The following CPNE5 variants were observed in gnomAD, a reference collection of about 807,000 sequenced individuals.
CPNE5 encodes the protein copine 5.
Under a neutral mutation model 81.1 loss-of-function variants are expected in CPNE5, and 42 were observed. The observed-to-expected ratio is 0.52, with a 90% CI of 0.40 to 0.67. The LOEUF (loss-of-function observed/expected upper bound fraction) is 0.67. CPNE5 is among the 30% of genes least tolerant of loss of function. The probability of loss-of-function intolerance (pLI) is 0.00; values close to 1 mark genes in which losing one functional copy is unlikely to be tolerated. For missense variants in CPNE5, 612 were observed against 815.5 expected (o/e 0.75, Z 3.04); for synonymous variants, 313 against 321.5 (o/e 0.97, Z 0.28).
intron 3 of CPNE5, among the ~76,000 whole-genome samples, chr6:36,819,902 C>A (rs371744107): frequency 3.3e-4 from 50 of 152,364 alleles, no homozygotes; most frequent in African/African-American, 1.2e-3. Flanking sequence ...CCTCTCCCCC[C>A]ATTCTGGTGC....
intron 3 of CPNE5, among the ~76,000 whole-genome samples, chr6:36,810,204 T>C (rs1455539249): frequency 6.6e-6 from 1 of 152,044 alleles, no homozygotes; most frequent in Non-Finnish European, 1.5e-5. Context: ...CTTGCCTTTT[T>C]ACAAATTACA....
Position 36,746,090 on chromosome 6 carries a change from C to G in CPNE5, c.1200+306G>C. On this transcript the variant is annotated intron_variant, in intron 16 of 20. Coordinates refer to ENST00000244751, the MANE Select transcript of CPNE5 (RefSeq NM_020939.2). This position sits in a 1 kb window ranked among gnomAD's most constrained non-coding sequence, Gnocchi z 4.5. ...GATACCCAACCCACACCACCTTGTT[C>G]ACTTTTCTGGGGCCCTGAGGGATGG... The G allele has an allele frequency of 1.1e-6, 1 of 872,910 alleles. No homozygotes were observed. Among genetic ancestry groups the G allele is most frequent in the Non-Finnish European group, 1.4e-6 (1 of 727,810 alleles). The allele number at this position is 872,910 out of a possible 1,614,324, so 54.1% of individuals were successfully genotyped here. A position where few individuals can be genotyped will look rare whatever the true frequency, so the allele number is the denominator to read the frequency against.
chr6:36,753,113 G>C lies in CPNE5; in HGVS notation c.910-18C>G, dbSNP rs1765023766. 2.5e-6 allele frequency: 4 copies of C among 1,611,126 alleles called. No individual in the cohort carries two copies. Among genetic ancestry groups the C allele is most frequent in the Non-Finnish European group, 2.5e-6 (3 of 1,177,528 alleles). On this transcript the variant is annotated intron_variant, in intron 13 of 20. Coordinates refer to ENST00000244751, the MANE Select transcript of CPNE5 (RefSeq NM_020939.2). ...AGGGTGACCTTCAAAACAAAAGGGA[G>C]CTTGGTCAGTGGGGAGCCTGGGGTC... is the stretch of plus-strand genomic sequence containing the variant.
chr6:36,812,532 A>C (rs1561811735), intron 3 of CPNE5, among the ~76,000 whole-genome samples: 1 of 152,184 alleles, frequency 6.6e-6, no homozygotes, highest in Non-Finnish European at 1.5e-5. Flanking sequence ...ATTGATGAAA[A>C]AAACTAAGGC....
At chr6:36,827,756 C>T in intron 1 of CPNE5, 1 of 985,422 alleles carries the variant, frequency 1.0e-6, no homozygotes, top group South Asian at 4.7e-5. Flanking sequence ...GGGTCTTCCG[C>T]CCTGACGAAG....
At chr6:36,830,310 C>T (rs921605546) in intron 1 of CPNE5, among the ~76,000 whole-genome samples, 57 of 152,274 alleles carry the variant, frequency 3.7e-4, no homozygotes, top group African/African-American at 1.3e-3. Context: ...CTCAGCCTCT[C>T]GGAGCTGCTC....
chr6:36,798,654 T>C (rs991450616), intron 4 of CPNE5, among the ~76,000 whole-genome samples, 160 bp from the exon 5 acceptor site: 1 of 152,144 alleles, frequency 6.6e-6, no homozygotes, highest in East Asian at 1.9e-4. Flanking sequence ...CAGGGAGCCT[T>C]CTGGGTGCTG....
chr6:36,829,448 G>C (rs945314917), intron 1 of CPNE5, among the ~76,000 whole-genome samples: 3 of 152,042 alleles, frequency 2.0e-5, no homozygotes, highest in Non-Finnish European at 4.4e-5. Flanking sequence ...AGTGAGCCGT[G>C]ATCACACCAC....
At chr6:36,750,000 G>C (rs1239198566) in intron 14 of CPNE5, among the ~76,000 whole-genome samples, 1 of 152,168 alleles carries the variant, frequency 6.6e-6, no homozygotes, top group Non-Finnish European at 1.5e-5. Flanking sequence ...ATCACTACGG[G>C]TGCTTGCTTA....
At position 36,797,423 on chromosome 6, in the gene CPNE5, G is replaced by A. The variant is rs61244324; in HGVS notation, c.404+742C>T. ...GTTTATTTAAATGCAAAGTGTGAGG[G>A]TGGCCGTCCAGAGAAATATGGACAC... On this transcript the variant is annotated intron_variant, in intron 6 of 20. Transcript: ENST00000244751. Among the ~76,000 whole-genome samples the A allele has an allele frequency of 1.3e-3, 194 of 152,352 alleles. 1 individual carries two copies. Among genetic ancestry groups the A allele is most frequent in the East Asian group, 0.01 (53 of 5,184 alleles).
intron 11 of CPNE5, 124 bp downstream of exon 11, chr6:36,765,211 G>A: frequency 3.8e-6 from 3 of 786,602 alleles, no homozygotes; most frequent in Admixed American, 2.7e-5. Flanking sequence ...CGCAAACCCA[G>A]GCTCCCTCAC....
chr6:36,775,094 G>T, intron 9 of CPNE5, 29 bp from the exon 10 acceptor site: 1 of 1,580,212 alleles, frequency 6.3e-7, no homozygotes. Context: ...GGGAAAGGCT[G>T]TCAGGCCCAA....
intron 15 of CPNE5, among the ~76,000 whole-genome samples, chr6:36,747,003 T>G (rs1764242349): frequency 6.6e-6 from 1 of 151,900 alleles, no homozygotes; most frequent in African/African-American, 2.4e-5. Context: ...CCAGGTCATC[T>G]CCTACCCTCC....
intron 10 of CPNE5, 51 bp from the exon 11 acceptor site, chr6:36,765,427 G>A (rs1422146955): frequency 6.2e-7 from 1 of 1,607,398 alleles, no homozygotes; most frequent in Non-Finnish European, 8.5e-7. Context: ...CACCCACGTG[G>A]CTGAGGATGG....
At chr6:36,794,920 C>T (rs1448228619) in intron 6 of CPNE5, among the ~76,000 whole-genome samples, 2 of 152,160 alleles carry the variant, frequency 1.3e-5, no homozygotes, top group Admixed American at 6.5e-5. Context: ...AGGCCGAGCC[C>T]ATACCCACAG....
upstream of CPNE5, chr6:36,839,627 A>T: frequency 5.2e-6 from 1 of 193,638 alleles, no homozygotes; most frequent in Non-Finnish European, 1.1e-5. This position sits in a 1 kb window ranked among gnomAD's most constrained non-coding sequence, Gnocchi z 7.3. Context: ...GGGAAGGGCA[A>T]GGAGCCCAGG....
At chr6:36,822,426 G>T (rs1236139914) in intron 2 of CPNE5, among the ~76,000 whole-genome samples, 1 of 152,172 alleles carries the variant, frequency 6.6e-6, no homozygotes, top group Non-Finnish European at 1.5e-5. Context: ...CGTTGGAGAA[G>T]GGAGACTAGG....
chr6:36,797,526 A>G (rs1367192044), intron 6 of CPNE5, among the ~76,000 whole-genome samples: 1 of 152,234 alleles, frequency 6.6e-6, no homozygotes, highest in Non-Finnish European at 1.5e-5. Context: ...TGCCCCTGGT[A>G]CTTCCTGAGA....
chr6:36,829,261 T>C (rs1583042033), intron 1 of CPNE5, among the ~76,000 whole-genome samples: 1 of 152,078 alleles, frequency 6.6e-6, no homozygotes, highest in African/African-American at 2.4e-5. Context: ...TTTGGGAGGC[T>C]GAGGCAGGAG....
Sources: allele counts gnomAD v4.1 joint callset (sites outside exome capture counted in the v4.1 genomes callset), GRCh38; gene constraint gnomAD v4.1.1; non-coding constraint Gnocchi (gnomAD v3.1); transcripts MANE v1.5; gene names NCBI Gene and HGNC (gene_info 2026-07-23, HGNC 2026-07-21).